ENAM: variants seen among roughly 807,000 people sequenced by gnomAD.
The protein encoded by ENAM is enamelin.
In ENAM, 21 loss-of-function variants were observed where a neutral mutation model predicts 33.6. That is an observed-to-expected ratio of 0.63 (90% CI 0.44 to 0.90). The LOEUF (loss-of-function observed/expected upper bound fraction) is 0.90. Ranked by LOEUF, ENAM falls within the 40% of genes least tolerant of loss-of-function variation. The pLI is 0.00. For synonymous variants in ENAM, 473 were observed against 468.4 expected (o/e 1.01, Z -0.13); for missense variants, 1,388 against 1,366.9 (o/e 1.02, Z -0.24).
chr4:70,632,547 G>A (rs943249145), intron 4 of ENAM, 104 bp from the exon 5 acceptor site: 1 of 859,884 alleles, frequency 1.2e-6, no homozygotes, highest in Non-Finnish European at 2.0e-6. Context: ...ACACTGGGAA[G>A]TTCTAAGGTT....
At chr4:70,636,656 A>G (rs1434558741) in intron 7 of ENAM, among the ~76,000 whole-genome samples, 1 of 151,982 alleles carries the variant, frequency 6.6e-6, no homozygotes, top group Non-Finnish European at 1.5e-5. Flanking sequence ...GTAATCCCAG[A>G]TATTCAGGAA....
chr4:70,643,034 A>T lies in ENAM; in HGVS notation c.1608A>T (p.Ser536=). Residue 536 remains serine, a synonymous_variant, in exon 9 of 9, where the codon TCA becomes TCT. Transcript: ENST00000396073. ...CATATGAATCAGAAACTAATCAGTC[A>T]GAATTAAAGCACAGCTCATATCAGC... The part of the protein sequence containing the change: ...RMPYESETNQ[S]ELKHSSYQPA... The T allele has an allele frequency of 1.2e-6, 2 of 1,614,160 alleles. No individual in the cohort carries two copies. Among genetic ancestry groups the T allele is most frequent in the Non-Finnish European group, 1.7e-6 (2 of 1,180,024 alleles).
Position 70,643,158 on chromosome 4 carries a change from G to A in ENAM, c.1732G>A (p.Glu578Lys), listed in dbSNP as rs1738647196. 1 of 1,613,656 alleles carries A rather than the reference G, an allele frequency of 6.2e-7. No homozygotes were observed. The highest frequency in any genetic ancestry group is 8.5e-7 in the Non-Finnish European group (1 of 1,179,936). Residue 578 changes from glutamate to lysine, a missense_variant, in exon 9 of 9, where the codon GAA becomes AAA. By Grantham distance (56) the Glu-to-Lys change is moderately conservative (BLOSUM62 1). Transcript: ENST00000396073. ...CCAAGAAATCTCTCCACCTTTTAAG[G>A]AAGATCCAGGGAGGCAAGAAGAACA... ...DHQEISPPFKEDPGRQEEHLP... is the reference protein window; with the variant it reads ...DHQEISPPFKKDPGRQEEHLP...
rs1469244929 is a variant in ENAM at position 70,634,498 on chromosome 4, C to T, written c.401C>T (p.Pro134Leu). 1 of 1,613,930 alleles carries T rather than the reference C, an allele frequency of 6.2e-7. No homozygotes were observed. Among genetic ancestry groups the T allele is most frequent in the African/African-American group, 1.3e-5 (1 of 74,904 alleles). ...AACCAGACTCAGTCAAAAAAGCCAC[C>T]ACAAAAGCGGCCTTTGAAGCAGCCA... is the stretch of plus-strand genomic sequence containing the variant. ...KPNQTQSKKP[P>L]QKRPLKQPSH... Residue 134 changes from proline to leucine, a missense_variant, in exon 6 of 9, where the codon CCA (proline) becomes CTA (leucine). Physicochemically the swap from Pro to Leu is moderately conservative, Grantham distance 98. Coordinates refer to ENST00000396073, the MANE Select transcript of ENAM (RefSeq NM_031889.3).
rs1186008401 is a variant in ENAM at position 70,643,562 on chromosome 4, G to T, written c.2136G>T (p.Glu712Asp). ...TAGATAATCCATCAAAACCAAGGGAGGATTTTTATTACAGTGAATTTTACC... is the reference window on the plus strand; with the variant it reads ...TAGATAATCCATCAAAACCAAGGGATGATTTTTATTACAGTGAATTTTACC... ...YSLDNPSKPR[E>D]DFYYSEFYPW... Residue 712 changes from glutamate to aspartate, a missense_variant, in exon 9 of 9, where the codon GAG becomes GAT. By Grantham distance (45) the Glu-to-Asp change is conservative. Transcript: ENST00000396073. 6.8e-6 allele frequency: 11 copies of T among 1,613,884 alleles called. No individual in the cohort carries two copies. The East Asian group carries it at 1.8e-4, about 26-fold the overall frequency.
chr4:70,643,071 C>T lies in ENAM; in HGVS notation c.1645C>T (p.Pro549Ser), dbSNP rs762086399. The change falls in exon 9 of 9, where the codon CCT becomes TCT. Residue 549 changes from proline (P) to serine (S), a missense_variant. By Grantham distance (74) the Pro-to-Ser change is moderately conservative. Coordinates refer to ENST00000396073, the MANE Select transcript of ENAM (RefSeq NM_031889.3). ...CAGCTCATATCAGCCTGCTGTATAC[C>T]CTGAGGAAATCCCTTCTCCTGCAAA... The part of the protein sequence containing the change: ...KHSSYQPAVY[P>S]EEIPSPAKEH... The T allele has an allele frequency of 5.6e-6, 9 of 1,613,700 alleles. No individual in the cohort carries two copies. The highest frequency in any genetic ancestry group is 3.3e-5 in the South Asian group (3 of 91,040).
At chr4:70,635,800 C>G (rs1465373853) in intron 6 of ENAM, 32 bp from the exon 7 acceptor site, 1 of 1,376,324 alleles carries the variant, frequency 7.3e-7, no homozygotes, top group Non-Finnish European at 1.0e-6. Flanking sequence ...CTTTTCAATA[C>G]CACATCACTC....
chr4:70,644,424 C>G lies in ENAM; in HGVS notation c.2998C>G (p.Gln1000Glu), dbSNP rs886059585. 6 of 1,614,030 alleles carry G rather than the reference C, an allele frequency of 3.7e-6. No individual in the cohort carries two copies. The highest frequency in any genetic ancestry group is 1.3e-5 in the African/African-American group (1 of 74,918). Residue 1000 changes from glutamine to glutamate, a missense_variant, in exon 9 of 9, where the codon CAA becomes GAA. Transcript: ENST00000396073. The stretch of plus-strand genomic sequence containing the variant: ...AGGAGATGGGAACAACATTCTGGAA[C>G]AAGTTTTTGAAGACAACCAGCTCAA... ...LGGDGNNILE[Q>E]VFEDNQLNER... is the part of the protein sequence containing the mutation.
At chr4:70,637,923 A>G (rs1163993606) in intron 8 of ENAM, 80 bp downstream of exon 8, 34 of 1,076,016 alleles carry the variant, frequency 3.2e-5, no homozygotes, top group Non-Finnish European at 4.8e-5. Context: ...TCTAATAAGA[A>G]AGTTAAAATC....
intron 8 of ENAM, among the ~76,000 whole-genome samples, chr4:70,639,820 T>C (rs973631932): frequency 6.6e-6 from 1 of 152,112 alleles, no homozygotes; most frequent in African/African-American, 2.4e-5. Context: ...GCCTGGGAAT[T>C]CAAGGCTGCA....
chr4:70,635,902 AT>A lies in ENAM; in HGVS notation c.534+17del, dbSNP rs759483186. The A allele has an allele frequency of 8.5e-5, 133 of 1,561,986 alleles. No individual in the cohort carries two copies. Among genetic ancestry groups the A allele is most frequent in the Non-Finnish European group, 9.8e-5 (111 of 1,135,876 alleles). On this transcript the variant is annotated intron_variant, in intron 7 of 8. Coordinates refer to ENST00000396073, the MANE Select transcript of ENAM (RefSeq NM_031889.3). ...CCATGGCAAATTCCACAGGTGAGAA[AT>A]TTTTTTTTCTTTACACTGTAAGTGA...
Position 70,644,729 on chromosome 4 carries a change from T to A in ENAM, c.3303T>A (p.Thr1101=). ...ENPNTLVELA[T]EEQFKSINVD... Reference sequence around the variant, plus strand: ...CTAACACATTGGTTGAGTTAGCTACTGAGGAACAATTTAAGAGTATAAATG... The same window carrying A: ...CTAACACATTGGTTGAGTTAGCTACAGAGGAACAATTTAAGAGTATAAATG... The change falls in exon 9 of 9, where the codon ACT becomes ACA. Residue 1101 remains threonine, a synonymous_variant. Transcript: ENST00000396073. 1.2e-6 allele frequency: 2 copies of A among 1,614,114 alleles called. No individual in the cohort carries two copies. Among genetic ancestry groups the A allele is most frequent in the Non-Finnish European group, 1.7e-6 (2 of 1,179,966 alleles).
Position 70,642,167 on chromosome 4 carries a change from A to C in ENAM, c.741A>C (p.Thr247=), listed in dbSNP as rs942250634. 3 of 1,614,210 alleles carry C rather than the reference A, an allele frequency of 1.9e-6. No individual in the cohort carries two copies. The highest frequency in any genetic ancestry group is 1.6e-4 in the Middle Eastern group (1 of 6,062). The change falls in exon 9 of 9, where the codon ACA becomes ACC. Residue 247 remains threonine (T), a synonymous_variant. Transcript: ENST00000396073. Reference sequence around the variant, plus strand: ...GCACAGAACCCACAGCTAATTCAACAGTCACTGAGACGAATTCTACCCAAC... The same window carrying C: ...GCACAGAACCCACAGCTAATTCAACCGTCACTGAGACGAATTCTACCCAAC... ...SPGTEPTANS[T]VTETNSTQPN... is the part of the protein sequence containing the mutation.
At position 70,637,806 on chromosome 4, in the gene ENAM, G is replaced by C. The variant is rs757420971; in HGVS notation, c.551G>C (p.Gly184Ala). ...ACTTCTCAGAGGTTACCACCACCAG[G>C]TTATGGACGCCCACCAATCAGCAAT... Reference protein sequence around the residue: ...WQIPQRLPPPGYGRPPISNEE... With the variant: ...WQIPQRLPPPAYGRPPISNEE... Residue 184 changes from glycine to alanine, a missense_variant, in exon 8 of 9, where the codon GGT (glycine) becomes GCT (alanine). Coordinates refer to ENST00000396073, the MANE Select transcript of ENAM (RefSeq NM_031889.3). The C allele has an allele frequency of 3.7e-6, 6 of 1,613,698 alleles. No individual in the cohort carries two copies. The South Asian group carries it at 6.6e-5, about 18-fold the overall frequency.
At chr4:70,636,018 C>T (rs1283544177) in intron 7 of ENAM, 124 bp downstream of exon 7, 4 of 535,804 alleles carry the variant, frequency 7.5e-6, no homozygotes, top group Non-Finnish European at 1.3e-5. Flanking sequence ...TGGTATGAAA[C>T]AAAACCAGTG....
intron 1 of ENAM, among the ~76,000 whole-genome samples, chr4:70,629,227 A>G (rs190920026): frequency 6.6e-6 from 1 of 152,204 alleles, no homozygotes; most frequent in East Asian, 1.9e-4. Context: ...AGTTTTGTCA[A>G]CATCGCCCTA....
intron 8 of ENAM, among the ~76,000 whole-genome samples, chr4:70,641,193 C>CATTCAGT (rs1444364593): frequency 2.6e-5 from 4 of 152,208 alleles, no homozygotes; most frequent in East Asian, 1.9e-4. Flanking sequence ...GAGCCCAGTT[C>CATTCAGT]TGGGTGCATT....
intron 8 of ENAM, among the ~76,000 whole-genome samples, chr4:70,638,114 T>C (rs1738504959): frequency 6.6e-6 from 1 of 152,162 alleles, no homozygotes; most frequent in African/African-American, 2.4e-5. Flanking sequence ...ACTTCCTGAT[T>C]ATATTAATAC....
chr4:70,629,414 T>A, intron 1 of ENAM, 27 bp from the exon 2 acceptor site: 1 of 964,086 alleles, frequency 1.0e-6, no homozygotes, highest in Non-Finnish European at 1.7e-6. Context: ...ATTCATTTCA[T>A]TTATTTGTTC....
Sources: gnomAD v4.1 joint callset for allele counts (sites outside exome capture counted in the v4.1 genomes callset) on GRCh38, gnomAD v4.1.1 for gene constraint, MANE v1.5 for transcripts, NCBI Gene and HGNC (gene_info 2026-07-23, HGNC 2026-07-21) for gene names.